The following PAPLN variants were observed in gnomAD, a reference collection of about 807,000 sequenced individuals.
The protein encoded by PAPLN is papilin, proteoglycan like sulfated glycoprotein.
In PAPLN, 146 loss-of-function variants were observed where a neutral mutation model predicts 159.0. That is an observed-to-expected ratio of 0.92 (90% CI 0.80 to 1.05). The LOEUF (loss-of-function observed/expected upper bound fraction) is 1.05, where lower values mean the gene tolerates loss of function less well. Among genes scored for constraint, PAPLN ranks in the 50% least tolerant of loss-of-function variants. The pLI, the probability that PAPLN is intolerant of heterozygous loss-of-function variation, is 0.00. For synonymous variants in PAPLN, 734 were observed against 702.9 expected, an observed-to-expected ratio of 1.04 and a Z score of -0.70; for missense variants, 1,720 against 1,743.9, an observed-to-expected ratio of 0.99 and a Z score of 0.24.
In PAPLN at chr14:73,245,930, G is replaced by A. The variant is rs986740537; in HGVS notation, c.232-143G>A. The A allele has an allele frequency of 5.9e-5, 56 of 946,472 alleles. No individual in the cohort carries two copies. Among genetic ancestry groups the A allele is most frequent in the Non-Finnish European group, 8.5e-5 (56 of 657,098 alleles). The allele number at this position is 946,472 out of a possible 1,614,324, so 58.6% of individuals were successfully genotyped here. On this transcript the variant is annotated intron_variant, in intron 4 of 26. Transcript: ENST00000644200. The surrounding 1 kb of genome is among the most constrained non-coding windows in gnomAD (Gnocchi z 4.2). ...GAGGGGCACGCACAGGAGTTCGGGG[G>A]TCCGGGGGGCGGACTCCACCTCCGG...
Position 73,262,360 on chromosome 14 carries a change from G to A in PAPLN, c.2256G>A (p.Val752=). 6.2e-7 allele frequency: 1 copy of A among 1,611,936 alleles called. No homozygotes were observed. The highest frequency in any genetic ancestry group is 8.5e-7 in the Non-Finnish European group (1 of 1,178,690). Residue 752 remains valine (V), a synonymous_variant, in exon 19 of 27, where the codon GTG becomes GTA. Coordinates refer to ENST00000644200, the MANE Select transcript of PAPLN (RefSeq NM_001365906.3). ...CVGQPSHAYP[V]RCLLPSAHGS... ...ACCCATGCCCTGCAGCCTACCCCGT[G>A]CGGTGCCTGCTGCCCAGTGCCCATG...
At position 73,252,005 on chromosome 14, in the gene PAPLN, T is replaced by C; in HGVS notation, c.844-13T>C. ...CCCAGCAGCAGACCCCAACAAGGACTCTCCCGTGACAGCTCATCAGCCAGG... is the reference window on the plus strand; with the variant it reads ...CCCAGCAGCAGACCCCAACAAGGACCCTCCCGTGACAGCTCATCAGCCAGG... On this transcript the variant is annotated splice_polypyrimidine_tract_variant and intron_variant, in intron 9 of 26. Transcript: ENST00000644200. The C allele has an allele frequency of 6.3e-7, 1 of 1,598,798 alleles. No individual in the cohort carries two copies.
At position 73,250,981 on chromosome 14, in the gene PAPLN, G is replaced by A. The variant is rs774438444; in HGVS notation, c.540G>A (p.Thr180=). 22 of 1,613,498 alleles carry A rather than the reference G, an allele frequency of 1.4e-5. No individual in the cohort carries two copies. In the East Asian group the frequency reaches 2.5e-4, roughly 18 times the overall value. The part of the protein sequence containing the change: ...DKCLRCGGDG[T]TCYPVAGTFD... ...GTCTGCGGTGTGGGGGTGACGGCAC[G>A]ACCTGCTACCCCGTCGCAGGCACCT... The change falls in exon 7 of 27, where the codon ACG becomes ACA. Residue 180 remains threonine, a synonymous_variant. Coordinates refer to ENST00000644200, the MANE Select transcript of PAPLN (RefSeq NM_001365906.3).
At chr14:73,244,513 G>T in intron 2 of PAPLN, 131 bp from the exon 3 acceptor site, 1 of 717,664 alleles carries the variant, frequency 1.4e-6, no homozygotes, top group Non-Finnish European at 2.4e-6. Flanking sequence ...AGTCCTAAAG[G>T]TGGGCCCTGG....
At chr14:73,258,399 A>T (rs914350601) in intron 14 of PAPLN, among the ~76,000 whole-genome samples, 1 of 152,058 alleles carries the variant, frequency 6.6e-6, no homozygotes, top group African/African-American at 2.4e-5. Flanking sequence ...CCAATTTTTT[A>T]AAAAAGTATG....
Position 73,252,769 on chromosome 14 carries a change from C to A in PAPLN, c.1088C>A (p.Thr363Asn). 6.2e-7 allele frequency: 1 copy of A among 1,613,418 alleles called. No homozygotes were observed. Among genetic ancestry groups the A allele is most frequent in the Non-Finnish European group, 8.5e-7 (1 of 1,179,972 alleles). ...TGCAATCTTCACCCTTGCCCGGAGA[C>A]CAAGCGGTGAGACCTTGCCAGCCCC... Reference protein sequence around the residue: ...RSCNLHPCPETKRWKAGPWAP... With the variant: ...RSCNLHPCPENKRWKAGPWAP... The change falls in exon 11 of 27, where the codon ACC becomes AAC. Residue 363 changes from threonine to asparagine, a missense_variant. Physicochemically the swap from Thr to Asn is moderately conservative, Grantham distance 65. Coordinates refer to ENST00000644200, the MANE Select transcript of PAPLN (RefSeq NM_001365906.3).
chr14:73,236,815 T>TAA (rs901162327), upstream of PAPLN, among the ~76,000 whole-genome samples: 2 of 76,934 alleles, frequency 2.6e-5, no homozygotes, highest in Non-Finnish European at 5.4e-5. Flanking sequence ...AAACTCCGTC[T>TAA]AAAAAAAAAA....
At chr14:73,237,114 C>CGT (rs908630723), upstream of PAPLN, among the ~76,000 whole-genome samples, 1 of 152,024 alleles carries the variant, frequency 6.6e-6, no homozygotes, top group African/African-American at 2.4e-5. Context: ...GTAACAGCAG[C>CGT]GTGTGCGGAG....
At chr14:73,263,889 C>A in intron 20 of PAPLN, 107 bp downstream of exon 20, 4 of 1,231,950 alleles carry the variant, frequency 3.2e-6, no homozygotes, top group South Asian at 1.3e-5. Flanking sequence ...GTGTGACAGA[C>A]CCCCTCCTCC....
intron 1 of PAPLN, 33 bp from the exon 2 acceptor site, chr14:73,239,740 C>T: frequency 1.3e-6 from 2 of 1,547,820 alleles, no homozygotes; most frequent in Non-Finnish European, 1.7e-6. Context: ...TGCGGGAGCC[C>T]CGGGCCGCTC....
intron 14 of PAPLN, 67 bp from the exon 15 acceptor site, chr14:73,258,912 G>A: frequency 7.0e-7 from 1 of 1,435,958 alleles, no homozygotes. Flanking sequence ...GGCAGGGCTG[G>A]CCACAGCTCA....
intron 5 of PAPLN, among the ~76,000 whole-genome samples, chr14:73,248,228 A>C (rs1884830458): frequency 7.8e-6 from 1 of 127,928 alleles, no homozygotes; most frequent in African/African-American, 3.1e-5. Context: ...GGCATGGCCC[A>C]GTGGGAGTCT....
intron 2 of PAPLN, among the ~76,000 whole-genome samples, chr14:73,241,014 G>GGGT (rs202156455): frequency 7.1e-5 from 10 of 141,096 alleles, no homozygotes; most frequent in African/African-American, 2.3e-4. Context: ...TGGGGAGGTC[G>GGGT]GGGGGGGGAT....
At chr14:73,261,120 C>T (rs368326771) in intron 17 of PAPLN, 36 bp from the exon 18 acceptor site, 2 of 1,613,960 alleles carry the variant, frequency 1.2e-6, no homozygotes, top group Non-Finnish European at 1.7e-6. Flanking sequence ...TGGCCAGATC[C>T]ACTGCCCACT....
upstream of PAPLN, among the ~76,000 whole-genome samples, chr14:73,236,848 TAGAA>T (rs1255272853): frequency 1.1e-5 from 1 of 93,264 alleles, no homozygotes; most frequent in South Asian, 3.4e-4. Context: ...GGGAGGAAAG[TAGAA>T]AGAAAGAAAA....
In PAPLN at chr14:73,266,565, T is replaced by C; in HGVS notation, c.3328T>C (p.Tyr1110His). The C allele has an allele frequency of 2.5e-6, 4 of 1,614,196 alleles. No homozygotes were observed. The highest frequency in any genetic ancestry group is 2.5e-6 in the Non-Finnish European group (3 of 1,180,028). The change falls in exon 24 of 27, where the codon TAC (tyrosine) becomes CAC (histidine). Residue 1110 changes from tyrosine (Y) to histidine (H), a missense_variant. Transcript: ENST00000644200. ...SRVAVEDGGF[Y>H]TCVAFNGQDR... Reference sequence around the variant, plus strand: ...AGTGGCTGTAGAAGATGGCGGCTTCTACACCTGTGTCGCTTTCAATGGGCA... The same window carrying C: ...AGTGGCTGTAGAAGATGGCGGCTTCCACACCTGTGTCGCTTTCAATGGGCA...
chr14:73,258,863 C>T (rs546369328), intron 14 of PAPLN, 116 bp from the exon 15 acceptor site: 2 of 972,776 alleles, frequency 2.1e-6, no homozygotes, highest in Non-Finnish European at 2.8e-6. Flanking sequence ...TCTCGGGTTC[C>T]CAGGCCCTGC....
chr14:73,266,926 T>A, intron 25 of PAPLN, 95 bp downstream of exon 25: 1 of 1,219,962 alleles, frequency 8.2e-7, no homozygotes, highest in Non-Finnish European at 1.2e-6. Flanking sequence ...CTGTCACCAC[T>A]GCTTCCATTC....
chr14:73,244,942 C>T (rs1884030164), intron 3 of PAPLN, 183 bp downstream of exon 3: 4 of 533,142 alleles, frequency 7.5e-6, no homozygotes, highest in Non-Finnish European at 1.3e-5. Context: ...TTTCCCAGGG[C>T]CTTCCACTCT....
Sources: allele counts gnomAD v4.1 joint callset (sites outside exome capture counted in the v4.1 genomes callset), GRCh38; gene constraint gnomAD v4.1.1; non-coding constraint Gnocchi (gnomAD v3.1); transcripts MANE v1.5; gene names NCBI Gene and HGNC (gene_info 2026-07-23, HGNC 2026-07-21).